DKK2: variants seen among roughly 807,000 people sequenced by gnomAD.
DKK2 encodes the protein dickkopf Wnt signaling pathway inhibitor 2.
In DKK2, 11 loss-of-function variants were observed where a neutral mutation model predicts 28.1. That is an observed-to-expected ratio of 0.39 (90% CI 0.25 to 0.65). The LOEUF (loss-of-function observed/expected upper bound fraction) is 0.65, where lower values mean the gene tolerates loss of function less well. Among genes scored for constraint, DKK2 ranks in the 30% least tolerant of loss-of-function variants. The pLI is 0.47. For synonymous variants in DKK2, 135 were observed against 126.5 expected (o/e 1.07, Z -0.45); for missense variants, 326 against 335.5 (o/e 0.97, Z 0.22).
intron 1 of DKK2, among the ~76,000 whole-genome samples, chr4:106,995,371 T>C (rs1004990350): frequency 2.6e-5 from 4 of 152,204 alleles, no homozygotes; most frequent in African/African-American, 9.6e-5. Flanking sequence ...ATTTCTCATT[T>C]GTTGTCTTAG....
intron 1 of DKK2, among the ~76,000 whole-genome samples, chr4:107,006,544 A>T (rs530108381): frequency 6.6e-6 from 1 of 152,154 alleles, no homozygotes; most frequent in African/African-American, 2.4e-5. Context: ...GAAATCTTTA[A>T]TGACTCCAAG....
At chr4:106,954,053 T>C (rs1349381428) in intron 1 of DKK2, among the ~76,000 whole-genome samples, 1 of 152,136 alleles carries the variant, frequency 6.6e-6, no homozygotes, top group Non-Finnish European at 1.5e-5. Context: ...CATTGAGTAG[T>C]CAAATGAGAT....
At chr4:107,005,998 T>A (rs1723432465) in intron 1 of DKK2, among the ~76,000 whole-genome samples, 1 of 152,086 alleles carries the variant, frequency 6.6e-6, no homozygotes, top group Admixed American at 6.6e-5. Context: ...CAAAAATGAG[T>A]ATCATTAAAG....
intron 1 of DKK2, among the ~76,000 whole-genome samples, chr4:106,990,877 CCTGT>C (rs1468345700): frequency 6.6e-6 from 1 of 151,842 alleles, no homozygotes; most frequent in African/African-American, 2.4e-5. Context: ...AATTAAAAGA[CCTGT>C]CTATCTTTTT....
At chr4:107,033,198 T>A (rs957540430) in intron 1 of DKK2, among the ~76,000 whole-genome samples, 4 of 152,164 alleles carry the variant, frequency 2.6e-5, no homozygotes, top group African/African-American at 9.7e-5. Flanking sequence ...ATGTTAACAA[T>A]TTTTTTCACA....
intron 1 of DKK2, among the ~76,000 whole-genome samples, chr4:107,014,822 C>T (rs1236659271): frequency 2.6e-5 from 4 of 150,970 alleles, no homozygotes; most frequent in African/African-American, 9.7e-5. Context: ...GTTCTACACA[C>T]ACACACACAA....
intron 1 of DKK2, among the ~76,000 whole-genome samples, chr4:106,931,046 A>G (rs1301731593): frequency 6.6e-6 from 1 of 152,168 alleles, no homozygotes; most frequent in Non-Finnish European, 1.5e-5. Flanking sequence ...ACTAAAATGC[A>G]ACTGCAGGAG....
At chr4:107,031,237 G>A (rs945598934) in intron 1 of DKK2, among the ~76,000 whole-genome samples, 1 of 151,874 alleles carries the variant, frequency 6.6e-6, no homozygotes, top group African/African-American at 2.4e-5. Context: ...GTTAGTCAAT[G>A]TCCAGAGAGG....
At chr4:107,025,715 C>T (rs1723769015) in intron 1 of DKK2, among the ~76,000 whole-genome samples, 1 of 152,174 alleles carries the variant, frequency 6.6e-6, no homozygotes, top group Non-Finnish European at 1.5e-5. Flanking sequence ...TGAGCAACAA[C>T]AATACAGTCG....
chr4:106,973,596 G>T (rs143129745), intron 1 of DKK2, among the ~76,000 whole-genome samples: 4,675 of 151,524 alleles, frequency 0.031, 83 homozygotes, highest in African/African-American at 0.045. Flanking sequence ...TTTTTTTCTT[G>T]TAAATTTGTT....
intron 1 of DKK2, among the ~76,000 whole-genome samples, chr4:106,947,675 C>CTTT (rs556558001): frequency 7.3e-6 from 1 of 136,218 alleles, no homozygotes. Context: ...TTCTTTCTTT[C>CTTT]TTTTTTTTTT....
chr4:106,939,441 G>C (rs982790947), intron 1 of DKK2, among the ~76,000 whole-genome samples: 4 of 152,168 alleles, frequency 2.6e-5, no homozygotes, highest in Non-Finnish European at 5.9e-5. Flanking sequence ...ACAAATCACT[G>C]CTCAAGGAAA....
chr4:106,962,782 T>C (rs1722710922), intron 1 of DKK2, among the ~76,000 whole-genome samples: 1 of 151,814 alleles, frequency 6.6e-6, no homozygotes, highest in Non-Finnish European at 1.5e-5. Flanking sequence ...AAAAAGCTTC[T>C]GCACAGCAAA....
At chr4:107,035,341 C>G (rs762075472) in intron 1 of DKK2, 29 bp downstream of exon 1, 1 of 1,612,112 alleles carries the variant, frequency 6.2e-7, no homozygotes, top group South Asian at 1.1e-5. Flanking sequence ...CCTCTTCTGT[C>G]TGAAGAATGT....
intron 1 of DKK2, among the ~76,000 whole-genome samples, chr4:107,028,000 C>T (rs1332370231): frequency 3.9e-5 from 6 of 152,120 alleles, no homozygotes; most frequent in Non-Finnish European, 7.4e-5. Context: ...GATCCGCCCG[C>T]CTCAGCCTCC....
At chr4:106,957,159 T>TCATC (rs1722606962) in intron 1 of DKK2, among the ~76,000 whole-genome samples, 1 of 152,060 alleles carries the variant, frequency 6.6e-6, no homozygotes, top group African/African-American at 2.4e-5. Context: ...AAAATGCTCA[T>TCATC]CATCACTGGC....
intron 1 of DKK2, among the ~76,000 whole-genome samples, chr4:107,029,354 CATTGT>C (rs1723842322): frequency 6.6e-6 from 1 of 152,104 alleles, no homozygotes; most frequent in South Asian, 2.1e-4. Context: ...GACTTGTACA[CATTGT>C]ATAACCTCTC....
At chr4:107,035,089 A>G (rs1723941868) in intron 1 of DKK2, among the ~76,000 whole-genome samples, 2 of 152,110 alleles carry the variant, frequency 1.3e-5, no homozygotes, top group Non-Finnish European at 2.9e-5. Context: ...CATCCTGACC[A>G]CTTTCTCCAC....
At chr4:106,979,151 A>G (rs1019565224) in intron 1 of DKK2, among the ~76,000 whole-genome samples, 1 of 151,890 alleles carries the variant, frequency 6.6e-6, no homozygotes, top group African/African-American at 2.4e-5. Flanking sequence ...AATTCAGAGG[A>G]GATGTGGTGT....
Sources: gnomAD v4.1 joint callset for allele counts (sites outside exome capture counted in the v4.1 genomes callset) on GRCh38, gnomAD v4.1.1 for gene constraint, MANE v1.5 for transcripts, NCBI Gene and HGNC (gene_info 2026-07-23, HGNC 2026-07-21) for gene names.